PISD: variants seen among roughly 807,000 people sequenced by gnomAD.
PISD encodes phosphatidylserine decarboxylase proenzyme, mitochondrial.
A neutral mutation model predicts 43.5 loss-of-function variants in PISD; 31 were observed. That is an observed-to-expected ratio of 0.71 (90% confidence interval 0.54 to 0.96). The LOEUF (loss-of-function observed/expected upper bound fraction) is 0.96, where lower values mean the gene tolerates loss of function less well. PISD is among the 40% of genes least tolerant of loss of function. The pLI is 0.00. For synonymous variants in PISD, 259 were observed against 228.7 expected, an observed-to-expected ratio of 1.13 and a Z score of -1.20; for missense variants, 523 against 548.4, an observed-to-expected ratio of 0.95 and a Z score of 0.46.
chr22:31,636,103 C>T (rs2073423879), intron 3 of PISD, among the ~76,000 whole-genome samples: 1 of 152,234 alleles, frequency 6.6e-6, no homozygotes, highest in South Asian at 2.1e-4. Flanking sequence ...ACCAGGTACA[C>T]CGCGGCGCCA....
At chr22:31,658,949 G>C (rs1030528561) in intron 1 of PISD, among the ~76,000 whole-genome samples, 5 of 151,674 alleles carry the variant, frequency 3.3e-5, no homozygotes, top group African/African-American at 1.2e-4. Context: ...AACCTCCTGG[G>C]CTCAGGCAAT....
chr22:31,627,323 C>T (rs1040337137), intron 3 of PISD, among the ~76,000 whole-genome samples: 11 of 152,222 alleles, frequency 7.2e-5, no homozygotes, highest in African/African-American at 1.4e-4. Context: ...GGGAAGGTGC[C>T]GGCACCAGGA....
rs750260566 is a variant in PISD, at chr22:31,621,377, GA to G, written c.653del (p.Phe218SerfsTer67). 2.5e-6 allele frequency: 4 copies of G among 1,614,040 alleles called. No homozygotes were observed. The highest frequency in any genetic ancestry group is 3.4e-6 in the Non-Finnish European group (4 of 1,180,006). ...VKGVTYSLES[F>X]LGPRMCTEDL... ...CCTCTGTGCACATACGCGGGCCCAGGAACGACTCCAGGGAGTAGGTGACCCC... is the reference window on the plus strand; with the variant it reads ...CCTCTGTGCACATACGCGGGCCCAGGACGACTCCAGGGAGTAGGTGACCCC... On this transcript the variant is annotated frameshift_variant, in exon 5 of 8. Transcript: ENST00000439502. LOFTEE classifies it high-confidence loss of function.
chr22:31,659,280 C>T (rs1281501529), intron 1 of PISD, among the ~76,000 whole-genome samples: 3 of 152,144 alleles, frequency 2.0e-5, no homozygotes, highest in East Asian at 3.8e-4. Context: ...GGCTTTATCC[C>T]GTATTCCACC....
In PISD at chr22:31,620,624, T is replaced by C. The variant is rs2072502158; in HGVS notation, c.934A>G (p.Lys312Glu). 2 of 1,614,092 alleles carry C rather than the reference T, an allele frequency of 1.2e-6. No homozygotes were observed. Among genetic ancestry groups the C allele is most frequent in the South Asian group, 2.2e-5 (2 of 91,094 alleles). ...NERVVLTGDW[K>E]HGFFSLTAVG... ...GCTGTCAGTGAGAAGAAGCCATGTT[T>C]CCAGTCCCCCGTCAGGACCACCCGC... The change falls in exon 7 of 8, where the codon AAA (lysine) becomes GAA (glutamate). Residue 312 changes from lysine (K) to glutamate (E), a missense_variant. Lys to Glu is a moderately conservative substitution (Grantham distance 56). Transcript: ENST00000439502.
rs138088148 is a variant in PISD, at chr22:31,622,043, G to GT, written c.322-159dup. 4.5e-3 allele frequency among the ~76,000 whole-genome samples: 681 copies of GT among 152,338 alleles called. 1 individual carries two copies. Among genetic ancestry groups the GT allele is most frequent in the African/African-American group, 0.014 (577 of 41,578 alleles). Reference sequence around the variant, plus strand: ...CCCACGCTGCTTTTGTGATGTGGCTGTTTCTCACTGGGAACCAGACTGCAC... The same window carrying GT: ...CCCACGCTGCTTTTGTGATGTGGCTGTTTTCTCACTGGGAACCAGACTGCAC... On this transcript the variant is annotated intron_variant, in intron 3 of 7. Coordinates refer to ENST00000439502, the MANE Select transcript of PISD (RefSeq NM_001326411.2).
intron 3 of PISD, among the ~76,000 whole-genome samples, chr22:31,629,510 G>C (rs1382569346): frequency 1.3e-5 from 2 of 150,560 alleles, no homozygotes; most frequent in African/African-American, 4.9e-5. Context: ...CGCATATAGG[G>C]GTGTGTATGT....
Position 31,625,961 on chromosome 22 carries a change from T to C in PISD, c.322-4076A>G, listed in dbSNP as rs1011648076. 23 of 1,478,116 alleles carry C rather than the reference T, an allele frequency of 1.6e-5. No homozygotes were observed. In the Admixed American group the frequency reaches 4.9e-4, roughly 31 times the overall value. The allele number at this position is 1,478,116 out of a possible 1,614,324, so 91.6% of individuals were successfully genotyped here. On this transcript the variant is annotated intron_variant, in intron 3 of 7. Transcript: ENST00000439502. ...CTGCGAGGCTGGTTGGTGGCGCCGC[T>C]TCCTGGGTTTGGTTCAGTCTCGGTG...
chr22:31,633,866 G>A (rs559592164), intron 3 of PISD, among the ~76,000 whole-genome samples: 1 of 152,276 alleles, frequency 6.6e-6, no homozygotes, highest in African/African-American at 2.4e-5. Flanking sequence ...TCACTTACAA[G>A]TGAATTTCCA....
intron 3 of PISD, among the ~76,000 whole-genome samples, chr22:31,637,207 A>ATATATATG (rs71184515): frequency 3.4e-5 from 4 of 116,280 alleles, no homozygotes; most frequent in Non-Finnish European, 3.5e-5. Flanking sequence ...ATATATATAT[A>ATATATATG]GAAAAATTAG....
chr22:31,645,855 T>TAA (rs200852599), intron 3 of PISD, among the ~76,000 whole-genome samples: 5 of 108,140 alleles, frequency 4.6e-5, no homozygotes, highest in African/African-American at 1.3e-4. Flanking sequence ...AGACTCCATC[T>TAA]AAAAAAAAAA....
chr22:31,631,861 T>C (rs1012969661), intron 3 of PISD, among the ~76,000 whole-genome samples: 1 of 152,220 alleles, frequency 6.6e-6, no homozygotes, highest in Non-Finnish European at 1.5e-5. Context: ...CTCCTCATTC[T>C]GAGCCACTGA....
chr22:31,640,199 CTT>C (rs35782790), intron 3 of PISD, among the ~76,000 whole-genome samples: 18 of 139,294 alleles, frequency 1.3e-4, no homozygotes, highest in Non-Finnish European at 1.1e-4. Flanking sequence ...TTTCAAGCTA[CTT>C]TTTTTTTTTT....
rs770524072 is a variant in PISD, at chr22:31,619,690, G to A, written c.1152C>T (p.Phe384=). 10 of 1,614,194 alleles carry A rather than the reference G, an allele frequency of 6.2e-6. No individual in the cohort carries two copies. Among genetic ancestry groups the A allele is most frequent in the South Asian group, 1.1e-5 (1 of 91,086 alleles). The change falls in exon 8 of 8, where the codon TTC becomes TTT. Residue 384 remains phenylalanine (F), a synonymous_variant. Transcript: ENST00000439502. ...GGAAATTGAAGTCCTTGGGGGCCTC[G>A]AAGATGAGCACGATGGTGGAGCCCA... ...FNLGSTIVLI[F]EAPKDFNFQL...
chr22:31,643,024 C>G (rs888229399), intron 3 of PISD, among the ~76,000 whole-genome samples: 1 of 151,450 alleles, frequency 6.6e-6, no homozygotes, highest in Non-Finnish European at 1.5e-5. Flanking sequence ...ATTGCTTGAA[C>G]CCGGGAGGCG....
chr22:31,619,247 T>C lies in PISD; in HGVS notation c.*365A>G. The C allele has an allele frequency of 3.0e-6, 1 of 330,208 alleles. No homozygotes were observed. Among genetic ancestry groups the C allele is most frequent in the East Asian group, 8.6e-5 (1 of 11,622 alleles). The allele number at this position is 330,208 out of a possible 1,614,324, so 20.5% of individuals were successfully genotyped here. ...GGCCAACAGAAAACAGCTCAGGTGA[T>C]GGGGGGAGGAGCAGCAAGAAAAAAC... On this transcript the variant is annotated 3_prime_UTR_variant, in exon 8 of 8. Coordinates refer to ENST00000439502, the MANE Select transcript of PISD (RefSeq NM_001326411.2).
Position 31,619,114 on chromosome 22 carries a change from G to T in PISD, c.*498C>A. On this transcript the variant is annotated 3_prime_UTR_variant, in exon 8 of 8. Coordinates refer to ENST00000439502, the MANE Select transcript of PISD (RefSeq NM_001326411.2). ...GAGGTGAATGTGGGAACGGAAAGCA[G>T]TTGTCACGAAGGCTGTGTGGCTCTG... 4.0e-6 allele frequency: 1 copy of T among 250,988 alleles called. No individual in the cohort carries two copies. Among genetic ancestry groups the T allele is most frequent in the Non-Finnish European group, 8.0e-6 (1 of 125,656 alleles). 15.5% of individuals were successfully genotyped at this position (250,988 alleles called of 1,614,324 possible).
chr22:31,647,034 A>G (rs2073905636), intron 3 of PISD, among the ~76,000 whole-genome samples: 1 of 152,084 alleles, frequency 6.6e-6, no homozygotes, highest in African/African-American at 2.4e-5. Flanking sequence ...GTTTTACAGG[A>G]CTGTTAGAAA....
intron 1 of PISD, 29 bp from the exon 2 acceptor site, chr22:31,650,807 A>G (rs1172845531): frequency 7.3e-7 from 1 of 1,367,970 alleles, no homozygotes; most frequent in South Asian, 1.3e-5. Context: ...GAACCATTAA[A>G]TATTATTCTT....
Sources: gnomAD v4.1 joint callset for allele counts (sites outside exome capture counted in the v4.1 genomes callset) on GRCh38, gnomAD v4.1.1 for gene constraint, MANE v1.5 for transcripts, NCBI Gene and HGNC (gene_info 2026-07-23, HGNC 2026-07-21) for gene names.